Variants in VWC2 observed in about 807,000 individuals in gnomAD.
The protein encoded by VWC2 is von Willebrand factor C domain containing 2.
VWC2 carries 14 observed loss-of-function variants against 29.8 expected under a neutral mutation model. The observed-to-expected ratio is 0.47, with a 90% confidence interval of 0.31 to 0.74. VWC2 has a LOEUF of 0.74. Among genes scored for constraint, VWC2 ranks in the 30% least tolerant of loss-of-function variants. The pLI is 0.05. For synonymous variants in VWC2, 213 were observed against 199.0 expected (o/e 1.07, Z -0.59); for missense variants, 457 against 459.8 (o/e 0.99, Z 0.05).
intron 3 of VWC2, among the ~76,000 whole-genome samples, chr7:49,877,517 T>G (rs1412607117): frequency 9.9e-6 from 1 of 101,062 alleles, no homozygotes; most frequent in African/African-American, 3.6e-5. Flanking sequence ...TATATATATA[T>G]AGTTATTTGG....
intron 3 of VWC2, among the ~76,000 whole-genome samples, chr7:49,908,294 G>A (rs1280844154): frequency 6.6e-6 from 1 of 152,180 alleles, no homozygotes; most frequent in Admixed American, 6.5e-5. Flanking sequence ...CATGACCTGA[G>A]ACAGGTTTTC....
intron 3 of VWC2, among the ~76,000 whole-genome samples, chr7:49,814,482 A>G (rs1361150377): frequency 6.6e-6 from 1 of 152,150 alleles, no homozygotes. Context: ...TAAATTTGAG[A>G]ACAATTTAAA....
rs765166973 is a variant in VWC2, at chr7:49,913,909, T to C, written c.*1724T>C. On this transcript the variant is annotated 3_prime_UTR_variant, in exon 4 of 4. Transcript: ENST00000340652. Reference sequence around the variant, plus strand: ...CTGACTGAGTCATCAAAACACTACATATAGTCATTTAATTTTTGTCTTGTT... The same window carrying C: ...CTGACTGAGTCATCAAAACACTACACATAGTCATTTAATTTTTGTCTTGTT... The C allele has an allele frequency of 1.3e-5, 2 of 152,216 alleles. No homozygotes were observed. The highest frequency in any genetic ancestry group is 1.9e-4 in the East Asian group (1 of 5,196). 9.4% of individuals were successfully genotyped at this position (152,216 alleles called of 1,614,324 possible). A position where few individuals can be genotyped will look rare whatever the true frequency, so the allele number is the denominator to read the frequency against.
intron 2 of VWC2, among the ~76,000 whole-genome samples, chr7:49,793,713 A>C (rs151327993): frequency 6.6e-6 from 1 of 152,330 alleles, no homozygotes; most frequent in East Asian, 1.9e-4. Flanking sequence ...CTTAATGGTC[A>C]ATTGTTTCTA....
At chr7:49,819,660 C>T (rs1333553337) in intron 3 of VWC2, among the ~76,000 whole-genome samples, 1 of 152,144 alleles carries the variant, frequency 6.6e-6, no homozygotes, top group Non-Finnish European at 1.5e-5. Flanking sequence ...AAAGAGGTGG[C>T]TTTGAATTCC....
intron 3 of VWC2, among the ~76,000 whole-genome samples, chr7:49,850,086 G>C (rs1022677495): frequency 6.6e-6 from 1 of 152,174 alleles, no homozygotes; most frequent in Admixed American, 6.5e-5. Flanking sequence ...ACAACATGTT[G>C]CTGTAGAAAA....
intron 3 of VWC2, among the ~76,000 whole-genome samples, chr7:49,890,771 G>A (rs913098416): frequency 6.6e-6 from 1 of 151,408 alleles, no homozygotes; most frequent in African/African-American, 2.4e-5. Flanking sequence ...AGAGAACAAA[G>A]GACTTGAAGG....
chr7:49,905,265 T>C (rs551030858), intron 3 of VWC2, among the ~76,000 whole-genome samples: 17 of 152,272 alleles, frequency 1.1e-4, no homozygotes, highest in Admixed American at 8.5e-4. Context: ...ACAGTACTTA[T>C]CATGAGAGTA....
At chr7:49,874,754 T>C (rs148022409) in intron 3 of VWC2, among the ~76,000 whole-genome samples, 2,056 of 152,262 alleles carry the variant, frequency 0.014, 37 homozygotes, top group African/African-American at 0.047. Context: ...ACCTTTGCTA[T>C]AGGACTGTGA....
intron 2 of VWC2, among the ~76,000 whole-genome samples, chr7:49,797,070 A>G (rs962097376): frequency 6.6e-6 from 1 of 152,244 alleles, no homozygotes; most frequent in African/African-American, 2.4e-5. Context: ...TACATATGAT[A>G]TAAACATGTC....
At chr7:49,908,555 A>T (rs1415742749) in intron 3 of VWC2, among the ~76,000 whole-genome samples, 1 of 152,076 alleles carries the variant, frequency 6.6e-6, no homozygotes, top group African/African-American at 2.4e-5. Context: ...AATTTTTAAA[A>T]ATGTATGTGT....
At chr7:49,809,261 C>T (rs1023632472) in intron 3 of VWC2, among the ~76,000 whole-genome samples, 4 of 151,890 alleles carry the variant, frequency 2.6e-5, no homozygotes, top group African/African-American at 7.2e-5. Flanking sequence ...TCTTTGCCAA[C>T]AAATTAGAAT....
chr7:49,892,092 G>T (rs1792162546), intron 3 of VWC2, among the ~76,000 whole-genome samples: 1 of 143,196 alleles, frequency 7.0e-6, no homozygotes, highest in Non-Finnish European at 1.5e-5. Context: ...TGGCCCAGGC[G>T]GGAGTGCAGT....
intron 2 of VWC2, among the ~76,000 whole-genome samples, chr7:49,797,722 G>A (rs967918119): frequency 2.6e-5 from 4 of 152,156 alleles, no homozygotes; most frequent in African/African-American, 9.7e-5. Flanking sequence ...TGAACACATA[G>A]AGAATGTCTT....
chr7:49,790,537 T>C (rs1281886336), intron 2 of VWC2, among the ~76,000 whole-genome samples: 1 of 152,198 alleles, frequency 6.6e-6, no homozygotes, highest in African/African-American at 2.4e-5. Context: ...ATCCTTGTGG[T>C]GGAGGCTGGA....
intron 3 of VWC2, among the ~76,000 whole-genome samples, chr7:49,870,176 G>A (rs571119926): frequency 2.0e-5 from 3 of 152,246 alleles, no homozygotes; most frequent in South Asian, 4.1e-4. Context: ...CGAGGTGGGC[G>A]GATCACGAGG....
Position 49,774,873 on chromosome 7 carries a change from A to G in VWC2, c.-103-460A>G, listed in dbSNP as rs114071175. Among the ~76,000 whole-genome samples, 974 of 152,304 alleles carry G rather than the reference A, an allele frequency of 6.4e-3. 5 individuals carry two copies. Among genetic ancestry groups the G allele is most frequent in the African/African-American group, 0.022 (932 of 41,578 alleles). On this transcript the variant is annotated intron_variant, in intron 1 of 3. Transcript: ENST00000340652. ...CCAGCACAACCCCCTAAAGCAAATG[A>G]GGAAGAGTTTCCCTCTTATCTTCCT...
At position 49,912,215 on chromosome 7, in the gene VWC2, TTC is replaced by T; in HGVS notation, c.*32_*33del. The T allele has an allele frequency of 6.2e-7, 1 of 1,612,128 alleles. No individual in the cohort carries two copies. The highest frequency in any genetic ancestry group is 1.1e-5 in the South Asian group (1 of 90,872). ...TTCCCAGAACACAAACTCTGACTTT[TTC>T]TAGAACATTTTACTGATGTGAACAT... On this transcript the variant is annotated 3_prime_UTR_variant, in exon 4 of 4. Transcript: ENST00000340652.
At chr7:49,858,638 G>A (rs904074495) in intron 3 of VWC2, among the ~76,000 whole-genome samples, 5 of 151,462 alleles carry the variant, frequency 3.3e-5, no homozygotes, top group South Asian at 2.1e-4. Flanking sequence ...ACACCAACAC[G>A]GCACATGTAT....
Sources: gnomAD v4.1 joint callset for allele counts (sites outside exome capture counted in the v4.1 genomes callset) on GRCh38, gnomAD v4.1.1 for gene constraint, MANE v1.5 for transcripts, NCBI Gene and HGNC (gene_info 2026-07-23, HGNC 2026-07-21) for gene names.